Variants in DNAH17 observed in about 807,000 individuals in gnomAD.
The protein encoded by DNAH17 is axonemal beta dynein heavy chain 17.
In DNAH17, 376 loss-of-function variants were observed where a neutral mutation model predicts 485.6. The ratio of observed to expected loss-of-function variants is 0.77; its 90% CI spans 0.71 to 0.84. The LOEUF (loss-of-function observed/expected upper bound fraction) is 0.84, where lower values mean the gene tolerates loss of function less well. Ranked by LOEUF, DNAH17 falls within the 40% of genes least tolerant of loss-of-function variation. The pLI is 0.00. For missense variants in DNAH17, 6,370 were observed against 5,839.3 expected (o/e 1.09, Z -2.96); for synonymous variants, 3,031 against 2,405.9 (o/e 1.26, Z -7.60).
chr17:78,449,940 T>C lies in DNAH17; in HGVS notation c.11040+314A>G, dbSNP rs1598467644. 6.4e-6 allele frequency: 3 copies of C among 467,698 alleles called. No individual in the cohort carries two copies. The East Asian group carries it at 1.1e-4, about 18-fold the overall frequency. The allele number at this position is 467,698 out of a possible 1,614,324, so 29.0% of individuals were successfully genotyped here. A position where few individuals can be genotyped will look rare whatever the true frequency, so the allele number is the denominator to read the frequency against. ...ATCCACCCGCCTCGGCCCCCCATAG[T>C]GCTGAGATGACAGGCATGAGCCACC... On this transcript the variant is annotated intron_variant, in intron 68 of 80. Transcript: ENST00000389840.
chr17:78,428,343 C>A, intron 77 of DNAH17, 182 bp downstream of exon 77: 1 of 718,598 alleles, frequency 1.4e-6, no homozygotes, highest in Non-Finnish European at 2.4e-6. Flanking sequence ...GCTGCCACGT[C>A]TGAGGACCTG....
At chr17:78,444,411 C>T (rs1229076345) in intron 71 of DNAH17, among the ~76,000 whole-genome samples, 193 bp downstream of exon 71, 1 of 152,204 alleles carries the variant, frequency 6.6e-6, no homozygotes, top group Non-Finnish European at 1.5e-5. Flanking sequence ...GGAATCCTGC[C>T]TCTGTCCTCG....
At chr17:78,513,051 C>G (rs183400252) in intron 26 of DNAH17, among the ~76,000 whole-genome samples, 1 of 151,918 alleles carries the variant, frequency 6.6e-6, no homozygotes, top group African/African-American at 2.4e-5. Context: ...CTCACCTCAT[C>G]CTGCTGTAAA....
chr17:78,570,150 A>T, intron 7 of DNAH17, 97 bp downstream of exon 7: 1 of 1,386,574 alleles, frequency 7.2e-7, no homozygotes, highest in Non-Finnish European at 9.7e-7. Flanking sequence ...CCTGCTTTCA[A>T]ACTGCTGGGG....
chr17:78,437,926 G>A (rs990916500), intron 73 of DNAH17, 58 bp from the exon 74 acceptor site: 9 of 1,344,208 alleles, frequency 6.7e-6, no homozygotes, highest in Non-Finnish European at 9.3e-6. Context: ...CCCACGAGGA[G>A]AGACTGGCAC....
At chr17:78,551,916 T>C (rs1181533154) in intron 15 of DNAH17, among the ~76,000 whole-genome samples, 1 of 151,576 alleles carries the variant, frequency 6.6e-6, no homozygotes, top group Non-Finnish European at 1.5e-5. Flanking sequence ...TGAGCCGAGA[T>C]TGTGCCATTG....
At position 78,539,734 on chromosome 17, in the gene DNAH17, T is replaced by C; in HGVS notation, c.2676+3A>G. 5.0e-6 allele frequency: 8 copies of C among 1,604,548 alleles called. No homozygotes were observed. The highest frequency in any genetic ancestry group is 6.8e-6 in the Non-Finnish European group (8 of 1,176,518). ...AATATATTACCTTATGTTGATAACT[T>C]ACATCTATAACCATGTTGTCCATTA... On this transcript the variant is annotated splice_donor_region_variant and intron_variant, in intron 18 of 80. Coordinates refer to ENST00000389840, the MANE Select transcript of DNAH17 (RefSeq NM_173628.4).
intron 14 of DNAH17, among the ~76,000 whole-genome samples, chr17:78,557,569 G>T (rs1409900149): frequency 6.9e-6 from 1 of 145,922 alleles, no homozygotes; most frequent in Non-Finnish European, 1.5e-5. Context: ...AACTTGGGAG[G>T]CAGAGGTTAC....
intron 65 of DNAH17, 53 bp from the exon 66 acceptor site, chr17:78,451,726 G>C (rs1457333508): frequency 6.8e-7 from 1 of 1,478,900 alleles, no homozygotes; most frequent in Non-Finnish European, 9.1e-7. Flanking sequence ...CCAGGGGAGA[G>C]GAACACAAGT....
rs1395219571 is a variant in DNAH17, at chr17:78,428,690, G to A, written c.12423C>T (p.Ile4141=). The A allele has an allele frequency of 4.3e-6, 7 of 1,613,728 alleles. No individual in the cohort carries two copies. Among genetic ancestry groups the A allele is most frequent in the East Asian group, 2.2e-5 (1 of 44,894 alleles). Residue 4141 remains isoleucine (I), a synonymous_variant, in exon 77 of 81, where the codon ATC becomes ATT. Coordinates refer to ENST00000389840, the MANE Select transcript of DNAH17 (RefSeq NM_173628.4). ...GACTCTCAGGGGGCAGGTTCTCATC[G>A]ATGTATTCGTGGTAACCCTGAAAAA... ...NLDYKGYHEY[I]DENLPPESPY... is the part of the protein sequence containing the mutation.
chr17:78,490,024 A>AC (rs1251383965), intron 44 of DNAH17: 1 of 152,124 alleles, frequency 6.6e-6, no homozygotes, highest in African/African-American at 2.4e-5. Flanking sequence ...TCTGTCAATC[A>AC]CCAGCCACGT....
intron 6 of DNAH17, 68 bp from the exon 7 acceptor site, chr17:78,570,440 C>A: frequency 6.5e-7 from 1 of 1,534,804 alleles, no homozygotes; most frequent in Non-Finnish European, 8.8e-7. Context: ...GTGTCCCAGC[C>A]CTTCCCTTCC....
rs78274575 is a variant in DNAH17, at chr17:78,527,499, G to A, written c.3508-503C>T. Among the ~76,000 whole-genome samples the A allele has an allele frequency of 7.8e-3, 1,180 of 152,060 alleles. 20 individuals carry two copies. The highest frequency in any genetic ancestry group is 0.027 in the African/African-American group (1,134 of 41,522). ...CACCTTTCATCATGTTTTTAAACCT[G>A]AATCCATTTGTGGGTGTGGGTGTGG... is the stretch of plus-strand genomic sequence containing the variant. On this transcript the variant is annotated intron_variant, in intron 22 of 80. Coordinates refer to ENST00000389840, the MANE Select transcript of DNAH17 (RefSeq NM_173628.4).
chr17:78,549,865 T>G (rs1172420028), intron 16 of DNAH17, among the ~76,000 whole-genome samples: 1 of 152,162 alleles, frequency 6.6e-6, no homozygotes, highest in Non-Finnish European at 1.5e-5. Flanking sequence ...CGGCCCCTGC[T>G]GAAGATTCAG....
Position 78,479,066 on chromosome 17 carries a change from G to A in DNAH17, c.7951C>T (p.His2651Tyr), listed in dbSNP as rs2089234148. Residue 2651 changes from histidine (H) to tyrosine (Y), a missense_variant, in exon 51 of 81, where the codon CAT (histidine) becomes TAT (tyrosine). Transcript: ENST00000389840. ...AGGTCCCTGAGGTTGAAGACATAAT[G>A]AAACTTAATGGCCGTGGGAAGAAAT... ...ATFLPTAIKF[H>Y]YVFNLRDLSN... is the part of the protein sequence containing the mutation. 1 of 1,613,994 alleles carries A rather than the reference G, an allele frequency of 6.2e-7. No homozygotes were observed. Among genetic ancestry groups the A allele is most frequent in the East Asian group, 2.2e-5 (1 of 44,882 alleles).
At chr17:78,427,834 T>C (rs2086529268) in intron 77 of DNAH17, among the ~76,000 whole-genome samples, 1 of 152,010 alleles carries the variant, frequency 6.6e-6, no homozygotes, top group Non-Finnish European at 1.5e-5. Flanking sequence ...CCAGGTGTGG[T>C]GGCAGGCGCC....
In DNAH17 at chr17:78,514,972, G is replaced by T; in HGVS notation, c.3915C>A (p.Asn1305Lys). The change falls in exon 26 of 81, where the codon AAC becomes AAA. Residue 1305 changes from asparagine (N) to lysine (K), a missense_variant. Physicochemically the swap from Asn to Lys is moderately conservative, Grantham distance 94. Transcript: ENST00000389840. ...DWKTTKWKDI[N>K]VEQMDIDCKK... ...TACAATCTATGTCCATCTGCTCAAC[G>T]TTGATATCTTTCCACTTGGTGGTCT... 7 of 1,614,042 alleles carry T rather than the reference G, an allele frequency of 4.3e-6. No individual in the cohort carries two copies. In the South Asian group the frequency reaches 6.6e-5, roughly 15 times the overall value.
chr17:78,443,027 C>T (rs11649879), intron 71 of DNAH17, among the ~76,000 whole-genome samples: 24,279 of 152,194 alleles, frequency 0.16, 2,444 homozygotes, highest in African/African-American at 0.29. Context: ...ATGTGAAACA[C>T]GTCAATGCTG....
At chr17:78,456,442 T>C (rs1410127285) in intron 62 of DNAH17, among the ~76,000 whole-genome samples, 1 of 152,184 alleles carries the variant, frequency 6.6e-6, no homozygotes, top group African/African-American at 2.4e-5. Flanking sequence ...TGCCATTTGA[T>C]TGCCTCTCTC....
Sources: allele counts gnomAD v4.1 joint callset (sites outside exome capture counted in the v4.1 genomes callset), GRCh38; gene constraint gnomAD v4.1.1; transcripts MANE v1.5; gene names NCBI Gene and HGNC (gene_info 2026-07-23, HGNC 2026-07-21).